Variants in SPOCK1 observed in about 807,000 individuals in gnomAD.
The protein encoded by SPOCK1 is testican-1.
In SPOCK1, 23 loss-of-function variants were observed where a neutral mutation model predicts 55.3. The observed-to-expected ratio is 0.42, with a 90% CI of 0.30 to 0.59. The LOEUF (loss-of-function observed/expected upper bound fraction) is 0.59. SPOCK1 is among the 20% of genes least tolerant of loss of function. The pLI is 0.22. For synonymous variants in SPOCK1, 226 were observed against 221.0 expected, an observed-to-expected ratio of 1.02 and a Z score of -0.20; for missense variants, 499 against 552.5, an observed-to-expected ratio of 0.90 and a Z score of 0.97.
chr5:137,007,041 A>C (rs945629607), intron 6 of SPOCK1, among the ~76,000 whole-genome samples: 3 of 152,206 alleles, frequency 2.0e-5, no homozygotes, highest in Admixed American at 6.6e-5. Context: ...GCAGTGGGGA[A>C]AGGATTCCCT....
chr5:137,455,357 G>A (rs541147117), intron 2 of SPOCK1, among the ~76,000 whole-genome samples: 11 of 152,210 alleles, frequency 7.2e-5, no homozygotes, highest in South Asian at 6.2e-4. Flanking sequence ...CTTTACAGAC[G>A]GTTTTGTTTC....
intron 3 of SPOCK1, among the ~76,000 whole-genome samples, chr5:137,157,877 T>C (rs1754449024): frequency 6.6e-6 from 1 of 152,166 alleles, no homozygotes; most frequent in South Asian, 2.1e-4. Flanking sequence ...CTGGTTAACA[T>C]GGTGAAACCC....
intron 2 of SPOCK1, among the ~76,000 whole-genome samples, chr5:137,343,568 G>A (rs1032006649): frequency 1.3e-5 from 2 of 152,158 alleles, no homozygotes; most frequent in African/African-American, 4.8e-5. Flanking sequence ...CTCAACTCTA[G>A]CAACCATCAC....
At chr5:137,299,589 G>T (rs915884398) in intron 2 of SPOCK1, among the ~76,000 whole-genome samples, 13 of 151,778 alleles carry the variant, frequency 8.6e-5, no homozygotes, top group Non-Finnish European at 1.2e-4. Flanking sequence ...TAGTTTTGCT[G>T]GTGAAAAATT....
At chr5:137,361,323 T>C (rs1343146898) in intron 2 of SPOCK1, among the ~76,000 whole-genome samples, 3 of 152,200 alleles carry the variant, frequency 2.0e-5, no homozygotes, top group Non-Finnish European at 2.9e-5. Flanking sequence ...TATCTCTCTA[T>C]ATGCCCTACT....
At chr5:137,369,014 C>T (rs1435223111) in intron 2 of SPOCK1, among the ~76,000 whole-genome samples, 1 of 152,202 alleles carries the variant, frequency 6.6e-6, no homozygotes, top group Non-Finnish European at 1.5e-5. Flanking sequence ...GGCTTTAACT[C>T]GTTCTTTCCC....
chr5:137,412,591 C>G (rs958239125), intron 2 of SPOCK1, among the ~76,000 whole-genome samples: 5 of 152,112 alleles, frequency 3.3e-5, no homozygotes, highest in Non-Finnish European at 7.4e-5. Context: ...CCAGGTTGAC[C>G]CACTCAGAGC....
At chr5:137,132,262 G>C (rs553167218) in intron 4 of SPOCK1, among the ~76,000 whole-genome samples, 30 of 151,374 alleles carry the variant, frequency 2.0e-4, no homozygotes, top group African/African-American at 7.0e-4. Context: ...TGAATTGCAG[G>C]GGGGCTCAGG....
At chr5:137,352,734 G>A (rs1342467515) in intron 2 of SPOCK1, among the ~76,000 whole-genome samples, 2 of 152,148 alleles carry the variant, frequency 1.3e-5, no homozygotes, top group African/African-American at 4.8e-5. Flanking sequence ...TGAAAAGGCA[G>A]CCAGAACCAT....
chr5:137,108,050 C>A (rs977886195), intron 5 of SPOCK1, among the ~76,000 whole-genome samples: 9 of 152,096 alleles, frequency 5.9e-5, no homozygotes, highest in Non-Finnish European at 1.3e-4. Context: ...ACCGATGATC[C>A]AAAAAAGGTT....
At chr5:136,986,100 A>G (rs1213084605) in intron 8 of SPOCK1, among the ~76,000 whole-genome samples, 1 of 152,164 alleles carries the variant, frequency 6.6e-6, no homozygotes, top group South Asian at 2.1e-4. Flanking sequence ...TGCTTGTTCC[A>G]TGAGAGAAAC....
At chr5:136,983,636 T>G (rs1232743633) in intron 9 of SPOCK1, among the ~76,000 whole-genome samples, 2 of 115,180 alleles carry the variant, frequency 1.7e-5, no homozygotes, top group African/African-American at 2.8e-5. Context: ...AAAAAAAAAA[T>G]GGGCTGAGGC....
chr5:137,291,712 G>A (rs1295360017), intron 2 of SPOCK1, among the ~76,000 whole-genome samples: 1 of 152,200 alleles, frequency 6.6e-6, no homozygotes. Context: ...GCCCTGCCTG[G>A]AGTGGTGGAG....
In SPOCK1 at chr5:137,420,813, C is replaced by T. The variant is rs979575648; in HGVS notation, c.186+77560G>A. Among the ~76,000 whole-genome samples the T allele has an allele frequency of 3.3e-3, 499 of 152,194 alleles. 1 individual carries two copies. Among genetic ancestry groups the T allele is most frequent in the African/African-American group, 0.011 (477 of 41,530 alleles). On this transcript the variant is annotated intron_variant, in intron 2 of 10. Coordinates refer to ENST00000394945, the MANE Select transcript of SPOCK1 (RefSeq NM_004598.4). ...CTATCTCCTTCAGTTCTGCTCTGAT[C>T]TTAGTTATTTCTTGCCTTCTGCTAG...
chr5:137,364,279 C>T (rs1751010751), intron 2 of SPOCK1, among the ~76,000 whole-genome samples: 1 of 152,138 alleles, frequency 6.6e-6, no homozygotes, highest in Non-Finnish European at 1.5e-5. Flanking sequence ...CTTCATCAAC[C>T]TCAAAGCTAG....
chr5:137,076,983 G>A (rs534689663), intron 5 of SPOCK1, among the ~76,000 whole-genome samples: 98 of 152,248 alleles, frequency 6.4e-4, no homozygotes, highest in Non-Finnish European at 1.2e-3. Context: ...GAGTGCAGTG[G>A]CATGATCTCA....
chr5:137,443,421 A>G (rs1293879459), intron 2 of SPOCK1, among the ~76,000 whole-genome samples: 2 of 151,674 alleles, frequency 1.3e-5, no homozygotes, highest in African/African-American at 2.4e-5. Context: ...TTAGTCTTTC[A>G]TTTTCTCTTC....
At chr5:137,078,635 T>C (rs987116612) in intron 5 of SPOCK1, among the ~76,000 whole-genome samples, 3 of 152,110 alleles carry the variant, frequency 2.0e-5, no homozygotes, top group African/African-American at 2.4e-5. Context: ...CTTCATTTCC[T>C]CCTCACTAAA....
chr5:137,142,139 C>G (rs573510161), intron 3 of SPOCK1, among the ~76,000 whole-genome samples: 1 of 152,304 alleles, frequency 6.6e-6, no homozygotes, highest in Admixed American at 6.5e-5. Context: ...CCTCCCCATG[C>G]AAACATTTGG....
Sources: allele counts gnomAD v4.1 joint callset (sites outside exome capture counted in the v4.1 genomes callset), GRCh38; gene constraint gnomAD v4.1.1; transcripts MANE v1.5; gene names NCBI Gene and HGNC (gene_info 2026-07-23, HGNC 2026-07-21).